Variants in LRBA observed in about 807,000 individuals in gnomAD.
LRBA encodes the protein lipopolysaccharide-responsive and beige-like anchor protein.
In LRBA, 176 loss-of-function variants were observed where a neutral mutation model predicts 330.0. That is an observed-to-expected ratio of 0.53 (90% CI 0.47 to 0.60). The LOEUF (loss-of-function observed/expected upper bound fraction) is 0.60. Among genes scored for constraint, LRBA ranks in the 20% least tolerant of loss-of-function variants. The probability of loss-of-function intolerance (pLI) is 0.00; values close to 1 mark genes in which losing one functional copy is unlikely to be tolerated. For synonymous variants in LRBA, 1,230 were observed against 1,193.0 expected (o/e 1.03, Z -0.64); for missense variants, 3,259 against 3,444.8 (o/e 0.95, Z 1.35).
chr4:150,888,729 AT>A (rs1458853616), intron 17 of LRBA, among the ~76,000 whole-genome samples: 2 of 152,190 alleles, frequency 1.3e-5, no homozygotes, highest in Non-Finnish European at 2.9e-5. Context: ...CAAGGAATAT[AT>A]TACACTGGGA....
chr4:150,903,079 C>T (rs1337861204), intron 13 of LRBA, among the ~76,000 whole-genome samples: 1 of 152,134 alleles, frequency 6.6e-6, no homozygotes, highest in Non-Finnish European at 1.5e-5. Flanking sequence ...TTATAAGAGT[C>T]ATATGTTAGG....
intron 2 of LRBA, among the ~76,000 whole-genome samples, chr4:150,932,341 C>T (rs985604732): frequency 5.4e-5 from 8 of 147,878 alleles, no homozygotes; most frequent in African/African-American, 2.0e-4. Flanking sequence ...GAAAATATAT[C>T]TGCTTGTGGG....
Position 150,908,703 on chromosome 4 carries a change from T to C in LRBA, c.1316A>G (p.Asn439Ser), listed in dbSNP as rs572309256. The C allele has an allele frequency of 9.9e-5, 160 of 1,613,828 alleles. No homozygotes were observed. The highest frequency in any genetic ancestry group is 1.3e-4 in the Non-Finnish European group (152 of 1,179,938). The part of the protein sequence containing the change: ...QLCLESSPKD[N>S]PSIFVHSPHA... ...TGGTGAATGAACAAAAATTGAAGGG[T>C]TGTCCTTAGGAGATGATTCAAGACA... is the stretch of plus-strand genomic sequence containing the variant. Residue 439 changes from asparagine to serine, a missense_variant, in exon 10 of 57, where the codon AAC becomes AGC. Asn to Ser is a conservative substitution (Grantham distance 46). Transcript: ENST00000651943.
rs747224198 is a variant in LRBA, at chr4:150,265,829, GAGA to G, written c.8469-20_8469-18del. 53 of 1,530,764 alleles carry G rather than the reference GAGA, an allele frequency of 3.5e-5. No homozygotes were observed. The highest frequency in any genetic ancestry group is 4.3e-5 in the Non-Finnish European group (48 of 1,104,274). The allele number at this position is 1,530,764 out of a possible 1,614,324, so 94.8% of individuals were successfully genotyped here. A position where few individuals can be genotyped will look rare whatever the true frequency, so the allele number is the denominator to read the frequency against. On this transcript the variant is annotated intron_variant, in intron 56 of 56. Coordinates refer to ENST00000651943, the MANE Select transcript of LRBA (RefSeq NM_001364905.1). ...ATGATGCACCTAGGAGAAGCACAGA[GAGA>G]AGGACTTTTACAAACCTGTGTGTCC...
chr4:150,680,769 A>G (rs1782985631), intron 37 of LRBA, among the ~76,000 whole-genome samples: 1 of 152,146 alleles, frequency 6.6e-6, no homozygotes, highest in South Asian at 2.1e-4. Flanking sequence ...GACCTTCTCT[A>G]TAATTGACTA....
At chr4:150,919,213 T>C (rs1579202772) in intron 5 of LRBA, among the ~76,000 whole-genome samples, 1 of 152,102 alleles carries the variant, frequency 6.6e-6, no homozygotes, top group East Asian at 1.9e-4. Flanking sequence ...CTGGGGAATA[T>C]GGGGAGTGGC....
chr4:150,582,239 A>G (rs1002872585), intron 40 of LRBA: 1 of 152,134 alleles, frequency 6.6e-6, no homozygotes, highest in African/African-American at 2.4e-5. Context: ...TGATTATCAA[A>G]CAACTTCCAG....
At chr4:150,678,700 T>C (rs1463237331) in intron 37 of LRBA, among the ~76,000 whole-genome samples, 1 of 152,164 alleles carries the variant, frequency 6.6e-6, no homozygotes. Context: ...CATCTTACAA[T>C]GTTATTGTCA....
intron 40 of LRBA, among the ~76,000 whole-genome samples, chr4:150,493,018 T>C (rs1245058816): frequency 6.6e-6 from 1 of 152,224 alleles, no homozygotes; most frequent in Non-Finnish European, 1.5e-5. Context: ...TCTTACTCTG[T>C]CACCCAGGCT....
chr4:150,401,521 A>G (rs1745467844), intron 47 of LRBA, among the ~76,000 whole-genome samples: 1 of 152,172 alleles, frequency 6.6e-6, no homozygotes, highest in African/African-American at 2.4e-5. Flanking sequence ...AGCCCTAGGA[A>G]ACTAATACAA....
At chr4:150,353,636 T>C (rs1220464328) in intron 47 of LRBA, among the ~76,000 whole-genome samples, 2 of 152,142 alleles carry the variant, frequency 1.3e-5, no homozygotes, top group African/African-American at 4.8e-5. Context: ...ATCAGAATTT[T>C]AAGCAAAAAT....
chr4:150,691,954 A>C (rs989313729), intron 36 of LRBA, among the ~76,000 whole-genome samples: 1 of 152,188 alleles, frequency 6.6e-6, no homozygotes, highest in African/African-American at 2.4e-5. Flanking sequence ...CATGTATATA[A>C]AATTTTATAG....
In LRBA at chr4:150,742,145, T is replaced by TATATA. The variant is rs5862934; in HGVS notation, c.5646-6780_5646-6779insTATAT. The stretch of plus-strand genomic sequence containing the variant: ...ATTATTATTATCATTATTATTATTA[T>TATATA]TATTATTTTTTTTTTTTAGGGACAG... On this transcript the variant is annotated intron_variant, in intron 35 of 56. Transcript: ENST00000651943. Among the ~76,000 whole-genome samples, 604 of 143,462 alleles carry TATATA rather than the reference T, an allele frequency of 4.2e-3. 4 individuals are homozygous for TATATA. The highest frequency in any genetic ancestry group is 0.015 in the African/African-American group (583 of 39,408). The allele number at this position is 143,462 out of a possible 152,430, so 94.1% of individuals were successfully genotyped here.
chr4:150,495,577 T>C (rs761430938), intron 40 of LRBA, among the ~76,000 whole-genome samples: 1 of 152,174 alleles, frequency 6.6e-6, no homozygotes, highest in Non-Finnish European at 1.5e-5. Context: ...TATAATAATA[T>C]TTCTTTAAGT....
At chr4:150,915,217 G>A (rs1301511012) in intron 8 of LRBA, among the ~76,000 whole-genome samples, 1 of 151,982 alleles carries the variant, frequency 6.6e-6, no homozygotes, top group Non-Finnish European at 1.5e-5. Context: ...TTTGAAACCT[G>A]TAAACGTTAA....
intron 37 of LRBA, among the ~76,000 whole-genome samples, chr4:150,661,078 T>TA (rs559512113): frequency 0.061 from 6,285 of 102,454 alleles, 480 homozygotes; most frequent in African/African-American, 0.2. Context: ...AAAAATAAAT[T>TA]AAAAAAAAAA....
At chr4:150,603,356 C>CT (rs1774309093) in intron 37 of LRBA, among the ~76,000 whole-genome samples, 1 of 152,146 alleles carries the variant, frequency 6.6e-6, no homozygotes, top group East Asian at 1.9e-4. Flanking sequence ...TTGGACTTTT[C>CT]TACATATACG....
chr4:150,694,328 C>T (rs1784418872), intron 36 of LRBA, among the ~76,000 whole-genome samples: 1 of 151,984 alleles, frequency 6.6e-6, no homozygotes. Context: ...ATCACTTACA[C>T]TATAAATTAC....
chr4:150,436,363 C>A (rs1751109715), intron 45 of LRBA, among the ~76,000 whole-genome samples: 1 of 152,264 alleles, frequency 6.6e-6, no homozygotes, highest in Middle Eastern at 3.4e-3. Flanking sequence ...AACAAACTTA[C>A]CTTATTCCAT....
Sources: gnomAD v4.1 joint callset for allele counts (sites outside exome capture counted in the v4.1 genomes callset) on GRCh38, gnomAD v4.1.1 for gene constraint, MANE v1.5 for transcripts, NCBI Gene and HGNC (gene_info 2026-07-23, HGNC 2026-07-21) for gene names.